ODAD3: variants seen among roughly 807,000 people sequenced by gnomAD.
The protein encoded by ODAD3 is outer dynein arm docking complex subunit 3, also known as outer dynein arm-docking complex subunit 3.
A neutral mutation model predicts 70.9 loss-of-function variants in ODAD3; 57 were observed. The observed-to-expected ratio is 0.80, with a 90% CI of 0.65 to 1.00. The LOEUF (loss-of-function observed/expected upper bound fraction) is 1.00, where lower values mean the gene tolerates loss of function less well. Ranked by LOEUF, ODAD3 falls within the 50% of genes least tolerant of loss-of-function variation. The probability of loss-of-function intolerance (pLI) is 0.00; values close to 1 mark genes in which losing one functional copy is unlikely to be tolerated. For missense variants in ODAD3, 797 were observed against 763.9 expected (o/e 1.04, Z -0.51); for synonymous variants, 327 against 315.9 (o/e 1.04, Z -0.37).
At chr19:11,421,984 T>G (rs1969146942) in intron 10 of ODAD3, 152 bp from the exon 11 acceptor site, 3 of 759,334 alleles carry the variant, frequency 4.0e-6, no homozygotes, top group Admixed American at 2.9e-5. Flanking sequence ...GGGACTTAGG[T>G]CAAGGCCACG....
intron 3 of ODAD3, among the ~76,000 whole-genome samples, chr19:11,428,307 T>C (rs1043619460): frequency 2.0e-5 from 3 of 151,062 alleles, no homozygotes; most frequent in African/African-American, 7.3e-5. Context: ...AGTGGCTCGA[T>C]CTTGGCTCAC....
In ODAD3 at chr19:11,426,743, C is replaced by A; in HGVS notation, c.654G>T (p.Met218Ile). 1 of 1,613,988 alleles carries A rather than the reference C, an allele frequency of 6.2e-7. No homozygotes were observed. Among genetic ancestry groups the A allele is most frequent in the Non-Finnish European group, 8.5e-7 (1 of 1,179,922 alleles). ...TAATGTGCTCGGCCTCCTGCGCCTT[C>A]ATCTGGGCCTTCTCCAGGCGGTTCT... ...NLENRLEKAQ[M>I]KAQEAEHITS... Residue 218 changes from methionine to isoleucine, a missense_variant, in exon 5 of 13, where the codon ATG becomes ATT. Coordinates refer to ENST00000356392, the MANE Select transcript of ODAD3 (RefSeq NM_145045.5).
chr19:11,426,960 C>T lies in ODAD3; in HGVS notation c.525G>A (p.Gln175=), dbSNP rs568177856. The T allele has an allele frequency of 5.6e-6, 9 of 1,608,926 alleles. No homozygotes were observed. The South Asian group carries it at 9.9e-5, about 18-fold the overall frequency. ...NALRHQVVLR[Q]RRLEELQLQH... ...GCAGCTGGAGCTCCTCCAGCCGCCT[C>T]TGCCGCAACACCACCTGGTGCCGCA... Residue 175 remains glutamine, a synonymous_variant, in exon 4 of 13, where the codon CAG becomes CAA. Transcript: ENST00000356392.
In ODAD3 at chr19:11,434,853, C is replaced by G. The variant is rs752187225; in HGVS notation, c.164G>C (p.Gly55Ala). 1.7e-5 allele frequency: 28 copies of G among 1,614,196 alleles called. No homozygotes were observed. Among genetic ancestry groups the G allele is most frequent in the Non-Finnish European group, 2.4e-5 (28 of 1,180,038 alleles). Residue 55 changes from glycine (G) to alanine (A), a missense_variant, in exon 1 of 13, where the codon GGA (glycine) becomes GCA (alanine). Gly to Ala is a moderately conservative substitution (Grantham distance 60, BLOSUM62 0). Transcript: ENST00000356392. ...CCCTGCACCTCTGTGGAAGGATCCTCCCTTGGAACGGCCTGGGGTCCACGC... is the reference window on the plus strand; with the variant it reads ...CCCTGCACCTCTGTGGAAGGATCCTGCCTTGGAACGGCCTGGGGTCCACGC... ...AQAWTPGRSK[G>A]GSFHRGAGKP...
At chr19:11,428,864 T>TATTC (rs1305623255) in intron 3 of ODAD3, among the ~76,000 whole-genome samples, 1 of 119,702 alleles carries the variant, frequency 8.4e-6, no homozygotes, top group Non-Finnish European at 2.0e-5. Flanking sequence ...TTTTATTTTT[T>TATTC]ATTTATTTAT....
intron 8 of ODAD3, 29 bp downstream of exon 8, chr19:11,423,848 C>T: frequency 1.3e-6 from 2 of 1,561,396 alleles, no homozygotes; most frequent in Non-Finnish European, 8.7e-7. Context: ...GGGGGGGGCG[C>T]GGCGGAGAGG....
At position 11,420,608 on chromosome 19, in the gene ODAD3, G is replaced by T; in HGVS notation, c.*227C>A. 1 of 579,590 alleles carries T rather than the reference G, an allele frequency of 1.7e-6. No individual in the cohort carries two copies. Among genetic ancestry groups the T allele is most frequent in the East Asian group, 2.9e-5 (1 of 34,842 alleles). The allele number at this position is 579,590 out of a possible 1,614,324, so 35.9% of individuals were successfully genotyped here. ...AAAACAGATGAATACCCAGGGGCAT[G>T]GTCGGTAACATTTATTGCGCAACTC... On this transcript the variant is annotated 3_prime_UTR_variant, in exon 13 of 13. Coordinates refer to ENST00000356392, the MANE Select transcript of ODAD3 (RefSeq NM_145045.5).
chr19:11,424,719 C>A (rs1339959605), intron 7 of ODAD3, among the ~76,000 whole-genome samples: 27 of 464 alleles, frequency 0.058, no homozygotes, highest in Non-Finnish European at 0.078. Flanking sequence ...GTATATATAC[C>A]TATGTGTATA....
Position 11,434,054 on chromosome 19 carries a change from T to C in ODAD3, c.244+719A>G, listed in dbSNP as rs530846465. 9.3e-5 allele frequency among the ~76,000 whole-genome samples: 14 copies of C among 151,194 alleles called. No homozygotes were observed. The South Asian group carries it at 2.9e-3, about 32-fold the overall frequency. On this transcript the variant is annotated intron_variant, in intron 1 of 12. Coordinates refer to ENST00000356392, the MANE Select transcript of ODAD3 (RefSeq NM_145045.5). ...CAACATGGTGAAACCCAGTCTCTACTAAAAATATAAAAATTAGGTGTGGTG... is the reference window on the plus strand; with the variant it reads ...CAACATGGTGAAACCCAGTCTCTACCAAAAATATAAAAATTAGGTGTGGTG...
At chr19:11,423,133 G>C (rs1969181150) in intron 8 of ODAD3, among the ~76,000 whole-genome samples, 1 of 152,254 alleles carries the variant, frequency 6.6e-6, no homozygotes, top group Non-Finnish European at 1.5e-5. Flanking sequence ...GGCGAGCATA[G>C]CTTCTTTCCA....
upstream of ODAD3, chr19:11,435,764 G>T (rs1330887064): frequency 3.6e-6 from 5 of 1,382,242 alleles, no homozygotes; most frequent in Non-Finnish European, 4.8e-6. Flanking sequence ...GGCAACCGGA[G>T]GGTGCATGTG....
At chr19:11,427,566 C>G (rs934139384) in intron 3 of ODAD3, among the ~76,000 whole-genome samples, 1 of 151,364 alleles carries the variant, frequency 6.6e-6, no homozygotes, top group African/African-American at 2.4e-5. Context: ...ACTGCAACTT[C>G]CATCTCCTAG....
chr19:11,433,001 C>T (rs1229361288), intron 1 of ODAD3, among the ~76,000 whole-genome samples: 1 of 151,852 alleles, frequency 6.6e-6, no homozygotes, highest in Non-Finnish European at 1.5e-5. Flanking sequence ...ACTATGTTGG[C>T]CAGGCTGGTC....
At chr19:11,421,910 T>A (rs1423672373) in intron 10 of ODAD3, 78 bp from the exon 11 acceptor site, 10 of 1,501,962 alleles carry the variant, frequency 6.7e-6, no homozygotes, top group Non-Finnish European at 8.9e-6. Context: ...GGGGCTTTTC[T>A]TTCGGGGGCG....
rs1341549166 is a variant in ODAD3 at position 11,425,541 on chromosome 19, A to G, written c.963+603T>C. On this transcript the variant is annotated intron_variant, in intron 7 of 12. Coordinates refer to ENST00000356392, the MANE Select transcript of ODAD3 (RefSeq NM_145045.5). ...TATGTATATATGTATATATGTGTGTATGTATGTATATATGTATATATGTGT... is the reference window on the plus strand; with the variant it reads ...TATGTATATATGTATATATGTGTGTGTGTATGTATATATGTATATATGTGT... Among the ~76,000 whole-genome samples the G allele has an allele frequency of 9.3e-5, 13 of 139,454 alleles. 1 individual carries two copies. The highest frequency in any genetic ancestry group is 6.5e-4 in the South Asian group (3 of 4,634). 91.5% of individuals were successfully genotyped at this position (139,454 alleles called of 152,430 possible).
At chr19:11,430,524 T>G (rs1250393223) in intron 3 of ODAD3, 175 bp downstream of exon 3, 3 of 656,934 alleles carry the variant, frequency 4.6e-6, no homozygotes, top group Non-Finnish European at 8.2e-6. Flanking sequence ...TTCACTGCAT[T>G]TACTACCATG....
In ODAD3 at chr19:11,422,644, G is replaced by A. The variant is rs1490382080; in HGVS notation, c.1278-17C>T. 2 of 1,604,328 alleles carry A rather than the reference G, an allele frequency of 1.2e-6. No homozygotes were observed. The highest frequency in any genetic ancestry group is 1.7e-6 in the Non-Finnish European group (2 of 1,176,600). ...TTCTGCTGGCTGCAGGGAGCCGGGA[G>A]GTCACCCCGGGGGCTCAGCCCGCCC... On this transcript the variant is annotated splice_polypyrimidine_tract_variant and intron_variant, in intron 9 of 12. Transcript: ENST00000356392. The surrounding 1 kb of genome is among the most constrained non-coding windows in gnomAD (Gnocchi z 4.6).
chr19:11,432,783 A>T (rs1401770493), intron 1 of ODAD3, among the ~76,000 whole-genome samples: 2 of 151,942 alleles, frequency 1.3e-5, no homozygotes, highest in Admixed American at 1.3e-4. Flanking sequence ...GTCACAAGCA[A>T]CCATGCAAGA....
chr19:11,430,957 A>G lies in ODAD3; in HGVS notation c.308T>C (p.Ile103Thr), dbSNP rs778637132. ...QWNIKKNQET[I>T]SQLRKETKAL... ...CTTAGTCTCCTTGCGGAGCTGACTG[A>G]TGGTCTCCTGGTTCTTCTTGATGTT... Residue 103 changes from isoleucine (I) to threonine (T), a missense_variant, in exon 2 of 13, where the codon ATC (isoleucine) becomes ACC (threonine). By Grantham distance (89) the Ile-to-Thr change is moderately conservative. Transcript: ENST00000356392. 5 of 1,613,848 alleles carry G rather than the reference A, an allele frequency of 3.1e-6. No homozygotes were observed. Among genetic ancestry groups the G allele is most frequent in the Non-Finnish European group, 4.2e-6 (5 of 1,180,024 alleles).
Sources: allele counts gnomAD v4.1 joint callset (sites outside exome capture counted in the v4.1 genomes callset), GRCh38; gene constraint gnomAD v4.1.1; non-coding constraint Gnocchi (gnomAD v3.1); transcripts MANE v1.5; gene names NCBI Gene and HGNC (gene_info 2026-07-23, HGNC 2026-07-21).